UAP1: variants seen among roughly 807,000 people sequenced by gnomAD.
UAP1 encodes the protein UDP-N-acetylglucosamine pyrophosphorylase 1.
Under a neutral mutation model 58.5 loss-of-function variants are expected in UAP1, and 25 were observed. The observed-to-expected ratio is 0.43, with a 90% CI of 0.31 to 0.60. The LOEUF (loss-of-function observed/expected upper bound fraction) is 0.60, where lower values mean the gene tolerates loss of function less well. Among genes scored for constraint, UAP1 ranks in the 20% least tolerant of loss-of-function variants. The probability of loss-of-function intolerance (pLI) is 0.11; values close to 1 mark genes in which losing one functional copy is unlikely to be tolerated. For missense variants in UAP1, 575 were observed against 630.0 expected, an observed-to-expected ratio of 0.91 and a Z score of 0.93; for synonymous variants, 208 against 213.0, an observed-to-expected ratio of 0.98 and a Z score of 0.21.
At chr1:162,582,031 G>A (rs1187858794) in intron 5 of UAP1, among the ~76,000 whole-genome samples, 3 of 152,106 alleles carry the variant, frequency 2.0e-5, no homozygotes, top group South Asian at 2.1e-4. Flanking sequence ...TTTTCAACAC[G>A]TTTTTAGTTG....
At chr1:162,577,615 AT>A (rs932041556) in intron 3 of UAP1, among the ~76,000 whole-genome samples, 4 of 146,904 alleles carry the variant, frequency 2.7e-5, no homozygotes, top group Non-Finnish European at 6.0e-5. Context: ...TGCCTGGCTA[AT>A]TTTTTTTTCT....
At chr1:162,566,196 A>G (rs199835856) in exon 2 of UAP1, 3 of 1,614,152 alleles carry the variant, frequency 1.9e-6, no homozygotes, top group South Asian at 1.1e-5. Context: ...ATGAACTTTG[A>G]GGAGCTGAAC....
intron 1 of UAP1, among the ~76,000 whole-genome samples, chr1:162,564,693 G>A (rs911472108): frequency 5.9e-5 from 9 of 152,096 alleles, no homozygotes; most frequent in Non-Finnish European, 1.2e-4. Context: ...CCCTGTTTGA[G>A]AATCTACTGT....
Position 162,576,761 on chromosome 1 carries a change from G to A in UAP1, c.281-16G>A. On this transcript the variant is annotated splice_polypyrimidine_tract_variant and intron_variant, in intron 2 of 10. Coordinates refer to ENST00000271469, the Ensembl canonical transcript of UAP1. ...GAATTGTAGAGGTTTTGTGATACAA[G>A]TGTTTTCTTTTCTAGGACTTTTCCA... 6.2e-7 allele frequency: 1 copy of A among 1,610,062 alleles called. No homozygotes were observed.
At chr1:162,589,574 C>T (rs531504810) in intron 7 of UAP1, among the ~76,000 whole-genome samples, 1 of 152,008 alleles carries the variant, frequency 6.6e-6, no homozygotes, top group Admixed American at 6.6e-5. Flanking sequence ...ATAGATGTTT[C>T]AGTAAACATG....
exon 3 of UAP1, chr1:162,576,930 A>T: frequency 1.2e-6 from 2 of 1,614,202 alleles, no homozygotes; most frequent in Middle Eastern, 1.6e-4. Flanking sequence ...CGTATCCTGA[A>T]GCTACAGCAG....
chr1:162,563,640 G>T (rs1386087018), intron 1 of UAP1, among the ~76,000 whole-genome samples: 1 of 152,210 alleles, frequency 6.6e-6, no homozygotes, highest in Non-Finnish European at 1.5e-5. Flanking sequence ...TGGAATTACA[G>T]GCGTGAGCCA....
chr1:162,573,228 G>T (rs1404753261), intron 2 of UAP1, among the ~76,000 whole-genome samples: 1 of 151,894 alleles, frequency 6.6e-6, no homozygotes. Context: ...GGCTCTTCTT[G>T]CTCAACAGTT....
chr1:162,594,138 A>T (rs1428530262), intron 9 of UAP1, among the ~76,000 whole-genome samples: 1 of 152,154 alleles, frequency 6.6e-6, no homozygotes, highest in East Asian at 1.9e-4. Flanking sequence ...TTCTATTATT[A>T]TTACATTGTA....
intron 2 of UAP1, among the ~76,000 whole-genome samples, chr1:162,575,959 C>A (rs1654155906): frequency 2.0e-5 from 3 of 152,086 alleles, no homozygotes; most frequent in African/African-American, 7.2e-5. Flanking sequence ...CTGGAGTGAG[C>A]CACTGTCCAG....
chr1:162,600,646 CTT>C (rs765693902), downstream of UAP1, among the ~76,000 whole-genome samples: 17 of 140,226 alleles, frequency 1.2e-4, no homozygotes, highest in Admixed American at 1.4e-4. Flanking sequence ...TTAAGGATCA[CTT>C]TTTTTTTTTT....
rs369960619 is a variant in UAP1, at chr1:162,599,439, G to A, written c.*76G>A. On this transcript the variant is annotated 3_prime_UTR_variant, in exon 11 of 11. Transcript: ENST00000271469. ...TAGACCAACTGTGAACCTACAAGAC[G>A]TCTTGGACAACTGAAGTTTAAATAT... The A allele has an allele frequency of 4.2e-3, 3,887 of 935,266 alleles. 130 individuals carry two copies. In the South Asian group the frequency reaches 0.055, roughly 13 times the overall value. The allele number at this position is 935,266 out of a possible 1,614,324, so 57.9% of individuals were successfully genotyped here. A position where few individuals can be genotyped will look rare whatever the true frequency, so the allele number is the denominator to read the frequency against.
chr1:162,600,096 G>A (rs1655845478), downstream of UAP1, among the ~76,000 whole-genome samples: 1 of 152,226 alleles, frequency 6.6e-6, no homozygotes, highest in Admixed American at 6.5e-5. Context: ...AAGTGGGAAA[G>A]TGAAGTGGTA....
At chr1:162,589,428 T>C (rs1404135551) in intron 7 of UAP1, among the ~76,000 whole-genome samples, 1 of 149,752 alleles carries the variant, frequency 6.7e-6, no homozygotes, top group Non-Finnish European at 1.5e-5. Context: ...GCTGGGATTA[T>C]AGGCTTGAGC....
chr1:162,583,138 G>A (rs1253296552), intron 5 of UAP1, among the ~76,000 whole-genome samples: 1 of 138,658 alleles, frequency 7.2e-6, no homozygotes, highest in African/African-American at 2.7e-5. Flanking sequence ...CTTCCACTTG[G>A]TGTCACTCTT....
At chr1:162,596,508 A>G (rs576365929) in intron 9 of UAP1, among the ~76,000 whole-genome samples, 10 of 152,338 alleles carry the variant, frequency 6.6e-5, no homozygotes, top group African/African-American at 1.9e-4. Flanking sequence ...ATGGATGGAG[A>G]CAATCACTAT....
At chr1:162,578,746 A>G (rs1654366877) in intron 3 of UAP1, among the ~76,000 whole-genome samples, 1 of 152,168 alleles carries the variant, frequency 6.6e-6, no homozygotes, top group South Asian at 2.1e-4. Flanking sequence ...TGTGGTATGA[A>G]ATTATACCAT....
chr1:162,565,073 T>C (rs1653404556), intron 1 of UAP1, among the ~76,000 whole-genome samples: 1 of 152,110 alleles, frequency 6.6e-6, no homozygotes, highest in African/African-American at 2.4e-5. Context: ...TTTGCCATGT[T>C]GCCCAGGTTG....
chr1:162,591,644 C>G (rs1282044347), intron 8 of UAP1, among the ~76,000 whole-genome samples: 1 of 152,084 alleles, frequency 6.6e-6, no homozygotes, highest in Non-Finnish European at 1.5e-5. Context: ...TGCCATAAAG[C>G]CCAGCTAATT....
Sources: allele counts gnomAD v4.1 joint callset (sites outside exome capture counted in the v4.1 genomes callset), GRCh38; gene constraint gnomAD v4.1.1; transcripts MANE v1.5; gene names NCBI Gene and HGNC (gene_info 2026-07-23, HGNC 2026-07-21).